Variants in MTCL1 observed in about 807,000 individuals in gnomAD.
MTCL1 encodes microtubule crosslinking factor 1.
MTCL1 carries 79 observed loss-of-function variants against 141.4 expected under a neutral mutation model. The observed-to-expected ratio is 0.56, with a 90% confidence interval of 0.47 to 0.67. The LOEUF (loss-of-function observed/expected upper bound fraction) is 0.67. Ranked by LOEUF, MTCL1 falls within the 30% of genes least tolerant of loss-of-function variation. The probability of loss-of-function intolerance (pLI) is 0.00; values close to 1 mark genes in which losing one functional copy is unlikely to be tolerated. For missense variants in MTCL1, 2,177 were observed against 2,113.9 expected (o/e 1.03, Z -0.59); for synonymous variants, 914 against 875.8 (o/e 1.04, Z -0.77).
chr18:8,778,710 C>T (rs1172065549), intron 5 of MTCL1, among the ~76,000 whole-genome samples: 1 of 152,214 alleles, frequency 6.6e-6, no homozygotes, highest in Non-Finnish European at 1.5e-5. Flanking sequence ...CTTCCACCCT[C>T]CCCAACCTCC....
At chr18:8,818,919 A>G in intron 12 of MTCL1, 44 bp from the exon 12 acceptor site, 6 of 1,568,598 alleles carry the variant, frequency 3.8e-6, no homozygotes, top group Non-Finnish European at 5.2e-6. Flanking sequence ...AGACCATCAG[A>G]CAGAAAAGTG....
intron 4 of MTCL1, among the ~76,000 whole-genome samples, chr18:8,749,636 C>T (rs529487193): frequency 1.5e-4 from 23 of 152,246 alleles, no homozygotes; most frequent in African/African-American, 5.5e-4. Context: ...ATGGTGGGCC[C>T]GAGAGAGTGA....
intron 4 of MTCL1, among the ~76,000 whole-genome samples, chr18:8,767,865 G>A (rs1440608369): frequency 1.3e-5 from 2 of 151,988 alleles, no homozygotes; most frequent in Non-Finnish European, 2.9e-5. Context: ...ACCTGTTAGC[G>A]TTTTAGTGTA....
At chr18:8,776,194 T>C (rs1485869562) in intron 4 of MTCL1, among the ~76,000 whole-genome samples, 1 of 152,112 alleles carries the variant, frequency 6.6e-6, no homozygotes, top group East Asian at 1.9e-4. Context: ...GAGGTGGGCG[T>C]TGGGGACAGT....
In MTCL1 at chr18:8,744,839, A is replaced by G. The variant is rs147220512; in HGVS notation, c.357+24343A>G. On this transcript the variant is annotated intron_variant, in intron 4 of 16. Transcript: ENST00000359865. ...GATGTGGGTTACACCAAACTTCTCT[A>G]TGAGAGTCCTCCATCCTGCCCTCCA... Among the ~76,000 whole-genome samples the G allele has an allele frequency of 5.6e-3, 857 of 152,286 alleles. 13 individuals are homozygous for G. Among genetic ancestry groups the G allele is most frequent in the African/African-American group, 0.02 (819 of 41,542 alleles).
chr18:8,777,892 G>T, exon 5 of MTCL1: 12 of 1,612,762 alleles, frequency 7.4e-6, no homozygotes, highest in Non-Finnish European at 9.3e-6. Context: ...CCTTTAACCA[G>T]GTAAGCAGAG....
intron 4 of MTCL1, among the ~76,000 whole-genome samples, chr18:8,757,545 G>T (rs1314156585): frequency 2.0e-5 from 3 of 152,216 alleles, no homozygotes; most frequent in African/African-American, 7.2e-5. Context: ...ACCTGTCATC[G>T]TGTGAGCATC....
Position 8,828,209 on chromosome 18 carries a change from A to G in MTCL1, c.4723-699A>G, listed in dbSNP as rs1368720162. On this transcript the variant is annotated intron_variant, in intron 15 of 16. Transcript: ENST00000359865. The surrounding 1 kb of genome is among the most constrained non-coding windows in gnomAD (Gnocchi z 5.2). ...ACTACTTCTGATTCCAAGCCCACCC[A>G]GTGCGCTGTTGCGGAATCTTTCCCC... Among the ~76,000 whole-genome samples the G allele has an allele frequency of 1.3e-5, 2 of 152,140 alleles. No individual in the cohort carries two copies. Among genetic ancestry groups the G allele is most frequent in the Non-Finnish European group, 2.9e-5 (2 of 68,024 alleles).
chr18:8,759,154 A>G (rs978588270), intron 4 of MTCL1, among the ~76,000 whole-genome samples: 2 of 152,262 alleles, frequency 1.3e-5, no homozygotes, highest in Non-Finnish European at 2.9e-5. Flanking sequence ...AGCAGATCAC[A>G]TGCACGATGA....
Position 8,826,248 on chromosome 18 carries a change from T to C in MTCL1, c.4722+16T>C, listed in dbSNP as rs201315431. 39 of 1,559,130 alleles carry C rather than the reference T, an allele frequency of 2.5e-5. 1 individual carries two copies. In the Admixed American group the frequency reaches 5.3e-4, roughly 21 times the overall value. On this transcript the variant is annotated intron_variant, in intron 15 of 16. Coordinates refer to ENST00000359865, the Ensembl canonical transcript of MTCL1. The stretch of plus-strand genomic sequence containing the variant: ...GCCCATGGAGGTAATGAATGCTGAG[T>C]GCCCCACACCCTTCCCCACCAGCTC...
At chr18:8,797,712 G>A (rs781281639) in intron 9 of MTCL1, among the ~76,000 whole-genome samples, 4 of 152,166 alleles carry the variant, frequency 2.6e-5, no homozygotes, top group Non-Finnish European at 5.9e-5. Context: ...AACTAATTCC[G>A]CCAGCTTCCA....
At chr18:8,809,366 C>A (rs1004217164) in intron 11 of MTCL1, 8 of 1,491,156 alleles carry the variant, frequency 5.4e-6, no homozygotes, top group African/African-American at 4.2e-5. Context: ...ACAAGCCCAA[C>A]AGAAATCACG....
chr18:8,754,589 G>A (rs2096388006), intron 4 of MTCL1, among the ~76,000 whole-genome samples: 1 of 152,122 alleles, frequency 6.6e-6, no homozygotes, highest in Non-Finnish European at 1.5e-5. Flanking sequence ...AGAGAGAAAA[G>A]GGAACCAAGT....
chr18:8,706,190 C>T (rs1025886612), exon 1 of MTCL1: 2 of 1,225,186 alleles, frequency 1.6e-6, no homozygotes, highest in Non-Finnish European at 1.0e-6. Context: ...GTCGGCCCCC[C>T]GACCCCGGCC....
At chr18:8,764,205 A>G (rs751531802) in intron 4 of MTCL1, among the ~76,000 whole-genome samples, 49 of 152,318 alleles carry the variant, frequency 3.2e-4, no homozygotes, top group Non-Finnish European at 4.4e-5. Context: ...ATATTAAACA[A>G]GAAGAGAATC....
chr18:8,789,607 C>G, intron 7 of MTCL1: 1 of 985,358 alleles, frequency 1.0e-6, no homozygotes, highest in Non-Finnish European at 1.2e-6. Context: ...AGAATGGTTA[C>G]AATTGTCAAG....
exon 1 of MTCL1, chr18:8,706,333 C>T (rs1264129747): frequency 4.1e-6 from 5 of 1,230,476 alleles, no homozygotes; most frequent in Non-Finnish European, 5.1e-6. Flanking sequence ...CGACGAGCAG[C>T]GCCTGCTCCC....
intron 6 of MTCL1, among the ~76,000 whole-genome samples, chr18:8,785,375 C>T (rs578133936): frequency 5.3e-5 from 8 of 152,302 alleles, no homozygotes; most frequent in East Asian, 1.9e-4. Flanking sequence ...TCAGCCAAAG[C>T]GGGCGAGGAG....
intron 5 of MTCL1, among the ~76,000 whole-genome samples, chr18:8,778,385 C>CT (rs1437323032): frequency 6.6e-6 from 1 of 152,186 alleles, no homozygotes; most frequent in Non-Finnish European, 1.5e-5. Flanking sequence ...TTCTTCAAAA[C>CT]TTTCTTAGCT....
Sources: gnomAD v4.1 joint callset for allele counts (sites outside exome capture counted in the v4.1 genomes callset) on GRCh38, gnomAD v4.1.1 for gene constraint, Gnocchi (gnomAD v3.1) non-coding constraint, MANE v1.5 for transcripts, NCBI Gene and HGNC (gene_info 2026-07-23, HGNC 2026-07-21) for gene names.